Variants in WSB1 observed in about 807,000 individuals in gnomAD.
The protein encoded by WSB1 is WD repeat and SOCS box containing 1, also known as WD repeat and SOCS box-containing protein 1.
A neutral mutation model predicts 50.2 loss-of-function variants in WSB1; 23 were observed. The ratio of observed to expected loss-of-function variants is 0.46; its 90% CI spans 0.33 to 0.65. The LOEUF is 0.65. Among genes scored for constraint, WSB1 ranks in the 30% least tolerant of loss-of-function variants. WSB1 has a pLI of 0.02. For missense variants in WSB1, 492 were observed against 522.3 expected, an observed-to-expected ratio of 0.94 and a Z score of 0.56; for synonymous variants, 179 against 172.0, an observed-to-expected ratio of 1.04 and a Z score of -0.32.
chr17:27,311,613 C>A lies in WSB1; in HGVS notation c.1103C>A (p.Ala368Asp), dbSNP rs780700572. The change falls in exon 8 of 9, where the codon GCT (alanine) becomes GAT (aspartate). Residue 368 changes from alanine to aspartate, a missense_variant. Physicochemically the swap from Ala to Asp is moderately radical, Grantham distance 126 (BLOSUM62 -2). Coordinates refer to ENST00000262394, the MANE Select transcript of WSB1 (RefSeq NM_015626.10). ...AFSTDGSVLA[A>D]GTHDGSVYFW... ...TCTACTGATGGCAGTGTTTTAGCTG[C>A]TGGGTAAATATATTTTTCTCTTTTT... 1.8e-6 allele frequency: 2 copies of A among 1,098,652 alleles called. No individual in the cohort carries two copies. Among genetic ancestry groups the A allele is most frequent in the Non-Finnish European group, 2.7e-6 (2 of 750,920 alleles). 68.1% of individuals were successfully genotyped at this position (1,098,652 alleles called of 1,614,324 possible).
Position 27,304,916 on chromosome 17 carries a change from G to T in WSB1, c.610+5G>T. 5 of 1,613,680 alleles carry T rather than the reference G, an allele frequency of 3.1e-6. No individual in the cohort carries two copies. Among genetic ancestry groups the T allele is most frequent in the Non-Finnish European group, 4.2e-6 (5 of 1,179,752 alleles). On this transcript the variant is annotated splice_donor_5th_base_variant and intron_variant, in intron 4 of 8. Coordinates refer to ENST00000262394, the MANE Select transcript of WSB1 (RefSeq NM_015626.10). ...TATGGGACCTGAAAGATGATGGTAT[G>T]TCTTTTTTCCAAGCTATGAACTAGG...
At chr17:27,311,687 A>G in intron 8 of WSB1, 71 bp downstream of exon 8, 6 of 1,130,564 alleles carry the variant, frequency 5.3e-6, no homozygotes, top group Non-Finnish European at 7.2e-6. Context: ...GCTGGAGTAC[A>G]GTGGTGCAAT....
At chr17:27,304,001 C>T (rs2017341955) in intron 3 of WSB1, among the ~76,000 whole-genome samples, 1 of 152,126 alleles carries the variant, frequency 6.6e-6, no homozygotes, top group Admixed American at 6.5e-5. Context: ...CGAGGTAAAT[C>T]AGATTTCAGT....
At chr17:27,294,817 A>T (rs1391804347) in intron 1 of WSB1, among the ~76,000 whole-genome samples, 1 of 152,190 alleles carries the variant, frequency 6.6e-6, no homozygotes, top group Non-Finnish European at 1.5e-5. Flanking sequence ...TGTGGGTTGT[A>T]AGCGGTAATG....
At chr17:27,297,482 T>G (rs2017028284) in intron 1 of WSB1, among the ~76,000 whole-genome samples, 2 of 151,956 alleles carry the variant, frequency 1.3e-5, no homozygotes, top group Non-Finnish European at 2.9e-5. Context: ...TCTTTTTTTT[T>G]TTTTAGACAG....
chr17:27,295,478 TGTC>T (rs2016916971), intron 1 of WSB1, among the ~76,000 whole-genome samples: 1 of 152,146 alleles, frequency 6.6e-6, no homozygotes, highest in South Asian at 2.1e-4. Flanking sequence ...GGACTTTTGT[TGTC>T]TTAGGGATGA....
intron 4 of WSB1, among the ~76,000 whole-genome samples, chr17:27,305,563 A>C (rs1232421481): frequency 4.6e-5 from 7 of 152,190 alleles, no homozygotes; most frequent in Non-Finnish European, 5.9e-5. Flanking sequence ...TTTAACTAAA[A>C]CCTTAAATGT....
intron 4 of WSB1, among the ~76,000 whole-genome samples, chr17:27,305,163 A>G (rs1320744954): frequency 6.6e-6 from 1 of 152,240 alleles, no homozygotes; most frequent in African/African-American, 2.4e-5. Context: ...AATCTGTATC[A>G]ACTATCTGAG....
chr17:27,307,747 G>A, intron 5 of WSB1: 1 of 1,534,578 alleles, frequency 6.5e-7, no homozygotes, highest in Non-Finnish European at 8.7e-7. Flanking sequence ...GTCACAGGTG[G>A]TGGCAGCAAT....
At position 27,313,380 on chromosome 17, in the gene WSB1, GTAT is replaced by G. The variant is rs1385072473; in HGVS notation, c.*1016_*1018del. The G allele has an allele frequency of 6.8e-6, 1 of 147,012 alleles. No homozygotes were observed. Among genetic ancestry groups the G allele is most frequent in the Admixed American group, 6.9e-5 (1 of 14,492 alleles). 9.1% of individuals were successfully genotyped at this position (147,012 alleles called of 1,614,324 possible). ...TGTGAATTTGAAGAATCCGTCTACT[GTAT>G]TATTGCTAAATATTTTGTTTATACT... On this transcript the variant is annotated 3_prime_UTR_variant, in exon 9 of 9. Transcript: ENST00000262394.
At chr17:27,308,364 A>C (rs1449889663) in intron 5 of WSB1, 2 of 985,300 alleles carry the variant, frequency 2.0e-6, no homozygotes, top group East Asian at 2.3e-4. Flanking sequence ...TAGAATCTAA[A>C]ATTGTATATG....
intron 2 of WSB1, 143 bp downstream of exon 2, chr17:27,302,099 T>C: frequency 9.1e-7 from 1 of 1,101,798 alleles, no homozygotes; most frequent in Non-Finnish European, 1.2e-6. Context: ...TGAATATATT[T>C]ATTGGAAATT....
At chr17:27,299,659 C>G (rs1217769065) in intron 1 of WSB1, among the ~76,000 whole-genome samples, 1 of 152,138 alleles carries the variant, frequency 6.6e-6, no homozygotes, top group Admixed American at 6.5e-5. Context: ...AGGGCCAGTA[C>G]TAACTAGAAT....
At chr17:27,306,592 A>G (rs2017468872) in intron 4 of WSB1, among the ~76,000 whole-genome samples, 190 bp from the exon 5 acceptor site, 1 of 152,218 alleles carries the variant, frequency 6.6e-6, no homozygotes, top group African/African-American at 2.4e-5. Context: ...AGCACAACAT[A>G]AACACATGGA....
At chr17:27,307,989 A>G (rs1271448524) in intron 5 of WSB1, 5 of 1,242,728 alleles carry the variant, frequency 4.0e-6, no homozygotes, top group Non-Finnish European at 5.0e-6. Flanking sequence ...TTTCCCCCAC[A>G]GTAAAATACA....
At chr17:27,307,379 A>G (rs1286248176) in intron 5 of WSB1, 2 of 295,560 alleles carry the variant, frequency 6.8e-6, no homozygotes, top group Non-Finnish European at 1.3e-5. Flanking sequence ...TAGCATACCT[A>G]TAGACAGCTT....
intron 4 of WSB1, among the ~76,000 whole-genome samples, chr17:27,305,965 G>A (rs1597762812): frequency 6.6e-6 from 1 of 152,064 alleles, no homozygotes; most frequent in Non-Finnish European, 1.5e-5. Context: ...CCTCAGTGCC[G>A]GCATAGGGCC....
At chr17:27,303,291 A>G in intron 2 of WSB1, 76 bp from the exon 3 acceptor site, 1 of 1,472,296 alleles carries the variant, frequency 6.8e-7, no homozygotes, top group Non-Finnish European at 9.2e-7. Flanking sequence ...TTTAACAAAC[A>G]CTTGTAATTA....
In WSB1 at chr17:27,309,041, G is replaced by A. The variant is rs1207611237; in HGVS notation, c.712-59G>A. On this transcript the variant is annotated intron_variant, in intron 5 of 8. Transcript: ENST00000262394. ...AAATTTAGCAGTTTTAGTATAAGATGTGCCATTTTGTCCTCTGTATGTCTG... is the reference window on the plus strand; with the variant it reads ...AAATTTAGCAGTTTTAGTATAAGATATGCCATTTTGTCCTCTGTATGTCTG... 3 of 1,484,666 alleles carry A rather than the reference G, an allele frequency of 2.0e-6. No individual in the cohort carries two copies. The African/African-American group carries it at 4.2e-5, about 21-fold the overall frequency. 92.0% of individuals were successfully genotyped at this position (1,484,666 alleles called of 1,614,324 possible).
Sources: allele counts gnomAD v4.1 joint callset (sites outside exome capture counted in the v4.1 genomes callset), GRCh38; gene constraint gnomAD v4.1.1; transcripts MANE v1.5; gene names NCBI Gene and HGNC (gene_info 2026-07-23, HGNC 2026-07-21).